The following KLF12 variants were observed in gnomAD, a reference collection of about 807,000 sequenced individuals.
The protein encoded by KLF12 is Krueppel-like factor 12.
In KLF12, 9 loss-of-function variants were observed where a neutral mutation model predicts 37.8. That is an observed-to-expected ratio of 0.24 (90% CI 0.14 to 0.42). The LOEUF (loss-of-function observed/expected upper bound fraction) is 0.42. Ranked by LOEUF, KLF12 falls within the 10% of genes least tolerant of loss-of-function variation. The pLI is 1.00. For missense variants in KLF12, 411 were observed against 516.0 expected (o/e 0.80, Z 1.97); for synonymous variants, 208 against 202.1 (o/e 1.03, Z -0.25).
the KLF12 span, among the ~76,000 whole-genome samples, chr13:74,161,448 G>A: frequency 6.6e-6 from 1 of 152,284 alleles, no homozygotes; most frequent in South Asian, 2.1e-4. Context: ...AAGGCCATGT[G>A]GAGATGAAGA....
chr13:74,077,786 T>C (rs565722812), intron 1 of KLF12, among the ~76,000 whole-genome samples: 1 of 152,356 alleles, frequency 6.6e-6, no homozygotes, highest in African/African-American at 2.4e-5. Flanking sequence ...CATGGTTACT[T>C]TGTCCAGGAA....
chr13:73,741,467 A>AT (rs1442888013), intron 6 of KLF12, among the ~76,000 whole-genome samples: 1 of 152,200 alleles, frequency 6.6e-6, no homozygotes, highest in East Asian at 1.9e-4. Context: ...TTTACAAAGA[A>AT]TTATGGCAAA....
chr13:74,300,674 A>G, the KLF12 span, among the ~76,000 whole-genome samples: 1 of 152,160 alleles, frequency 6.6e-6, no homozygotes, highest in Non-Finnish European at 1.5e-5. Flanking sequence ...CTTTTTATAT[A>G]AAATTCATCC....
chr13:74,157,744 A>G, the KLF12 span, among the ~76,000 whole-genome samples: 1 of 152,144 alleles, frequency 6.6e-6, no homozygotes, highest in African/African-American at 2.4e-5. Flanking sequence ...AGATTGGCCA[A>G]TTTTTTGGGT....
intron 7 of KLF12, among the ~76,000 whole-genome samples, chr13:73,703,101 C>G (rs1363356469): frequency 6.6e-6 from 1 of 152,134 alleles, no homozygotes; most frequent in Admixed American, 6.5e-5. Flanking sequence ...CTGAAAGCTT[C>G]CCAGTTTGAA....
At chr13:74,267,499 A>G in the KLF12 span, among the ~76,000 whole-genome samples, 1 of 152,222 alleles carries the variant, frequency 6.6e-6, no homozygotes, top group African/African-American at 2.4e-5. Context: ...CAAATATTGC[A>G]TGTTCTCACT....
At chr13:73,916,251 A>G (rs945376497) in intron 3 of KLF12, among the ~76,000 whole-genome samples, 24 of 148,392 alleles carry the variant, frequency 1.6e-4, no homozygotes, top group East Asian at 6.0e-4. Flanking sequence ...GCACACGCAC[A>G]CACACACACA....
chr13:73,710,113 C>G lies in KLF12; in HGVS notation c.1027+5255G>C, dbSNP rs1256263624. ...TGTCCTGTATTTCCAGCCTGTGCCTCAACACTTTCAGTGATAGGGAACACA... is the reference window on the plus strand; with the variant it reads ...TGTCCTGTATTTCCAGCCTGTGCCTGAACACTTTCAGTGATAGGGAACACA... On this transcript the variant is annotated intron_variant, in intron 7 of 7. Transcript: ENST00000377669. Among the ~76,000 whole-genome samples the G allele has an allele frequency of 6.6e-5, 10 of 152,090 alleles. 1 individual carries two copies. The highest frequency in any genetic ancestry group is 6.6e-4 in the Admixed American group (10 of 15,266).
chr13:74,262,560 A>G, the KLF12 span, among the ~76,000 whole-genome samples: 2 of 152,280 alleles, frequency 1.3e-5, no homozygotes, highest in African/African-American at 4.8e-5. Flanking sequence ...GATTACCTGT[A>G]ATACCTAATG....
At chr13:74,056,512 T>C (rs916651689) in intron 1 of KLF12, among the ~76,000 whole-genome samples, 2 of 152,192 alleles carry the variant, frequency 1.3e-5, no homozygotes, top group Non-Finnish European at 2.9e-5. Context: ...ATCCATCGCT[T>C]TGAGTGCATG....
the KLF12 span, chr13:74,257,071 T>G: frequency 1.3e-5 from 2 of 152,160 alleles, no homozygotes; most frequent in African/African-American, 4.8e-5. Flanking sequence ...TTTGGAAGAA[T>G]CTGTAATGAG....
At chr13:74,057,368 C>T (rs578138837) in intron 1 of KLF12, among the ~76,000 whole-genome samples, 37 of 152,088 alleles carry the variant, frequency 2.4e-4, no homozygotes, top group Non-Finnish European at 4.0e-4. Context: ...CCCCAGGGAC[C>T]GAGAGGGAAC....
chr13:74,004,993 A>C (rs1233848117), intron 1 of KLF12, among the ~76,000 whole-genome samples: 1 of 152,186 alleles, frequency 6.6e-6, no homozygotes. Flanking sequence ...ATTCTTTGAT[A>C]ACGTCTTTAA....
intron 5 of KLF12, among the ~76,000 whole-genome samples, chr13:73,795,425 T>C (rs940822338): frequency 6.6e-6 from 1 of 152,232 alleles, no homozygotes; most frequent in Non-Finnish European, 1.5e-5. Context: ...GTATCTTACA[T>C]ATGGCAAATG....
At chr13:74,083,822 CTT>C (rs1276856122) in intron 1 of KLF12, among the ~76,000 whole-genome samples, 2 of 152,128 alleles carry the variant, frequency 1.3e-5, no homozygotes, top group Non-Finnish European at 2.9e-5. Context: ...CAAAAAGTCT[CTT>C]AGGGTACAGA....
intron 4 of KLF12, among the ~76,000 whole-genome samples, chr13:73,830,381 A>G (rs1009573089): frequency 6.6e-6 from 1 of 152,214 alleles, no homozygotes; most frequent in East Asian, 1.9e-4. Flanking sequence ...AAAAGATACT[A>G]TATGGCTCTG....
chr13:73,818,541 A>G (rs1323132768), intron 4 of KLF12, among the ~76,000 whole-genome samples: 10 of 152,240 alleles, frequency 6.6e-5, no homozygotes, highest in Admixed American at 6.5e-4. Context: ...CTGCTGTCTA[A>G]AGACCAAACA....
At chr13:74,205,425 T>C in the KLF12 span, among the ~76,000 whole-genome samples, 1 of 152,158 alleles carries the variant, frequency 6.6e-6, no homozygotes, top group African/African-American at 2.4e-5. Flanking sequence ...AAGATGGAGT[T>C]TGAGGTTTGG....
chr13:74,172,142 G>GACACACACACACACACACACACAC, the KLF12 span, among the ~76,000 whole-genome samples: 21 of 146,074 alleles, frequency 1.4e-4, no homozygotes, highest in Admixed American at 3.4e-4. Flanking sequence ...TTTTCCTCAC[G>GACACACACACACACACACACACAC]ACACACACAC....
Sources: gnomAD v4.1 joint callset for allele counts (sites outside exome capture counted in the v4.1 genomes callset) on GRCh38, gnomAD v4.1.1 for gene constraint, MANE v1.5 for transcripts, NCBI Gene and HGNC (gene_info 2026-07-23, HGNC 2026-07-21) for gene names.